Variants in THTPA observed in about 807,000 individuals in gnomAD.
The protein encoded by THTPA is thiamine-triphosphatase.
THTPA carries 16 observed loss-of-function variants against 16.5 expected under a neutral mutation model. That is an observed-to-expected ratio of 0.97 (90% CI 0.66 to 1.47). The LOEUF (loss-of-function observed/expected upper bound fraction) is 1.47, where lower values mean the gene tolerates loss of function less well. Ranked by LOEUF, THTPA falls within the 40% of genes most tolerant of loss-of-function variation. The pLI is 0.00. For missense variants in THTPA, 281 were observed against 280.9 expected (o/e 1.00, Z 0.00); for synonymous variants, 110 against 115.5 (o/e 0.95, Z 0.30).
At chr14:23,546,480 C>T in the THTPA span, among the ~76,000 whole-genome samples, 1 of 152,136 alleles carries the variant, frequency 6.6e-6, no homozygotes, top group Non-Finnish European at 1.5e-5. The surrounding 1 kb of genome is among the most constrained non-coding windows in gnomAD (Gnocchi z 4.7). Flanking sequence ...TCAGCCCTGT[C>T]ACCCCTTAAC....
Position 23,560,152 on chromosome 14 carries a change from A to G in THTPA, c.*1312A>G, listed in dbSNP as rs1416062704. Reference sequence around the variant, plus strand: ...TAACTCCCCAAGTGCTGATCTCCAGATGACTCAATCCCATCTCACACTGTC... The same window carrying G: ...TAACTCCCCAAGTGCTGATCTCCAGGTGACTCAATCCCATCTCACACTGTC... On this transcript the variant is annotated 3_prime_UTR_variant, in exon 2 of 2. Coordinates refer to ENST00000288014, the MANE Select transcript of THTPA (RefSeq NM_024328.6). 8 of 1,494,540 alleles carry G rather than the reference A, an allele frequency of 5.4e-6. No homozygotes were observed. The East Asian group carries it at 9.1e-5, about 17-fold the overall frequency. The allele number at this position is 1,494,540 out of a possible 1,614,324, so 92.6% of individuals were successfully genotyped here. A position where few individuals can be genotyped will look rare whatever the true frequency, so the allele number is the denominator to read the frequency against.
chr14:23,531,938 G>C, the THTPA span: 1 of 485,382 alleles, frequency 2.1e-6, no homozygotes. Flanking sequence ...ACCACACCTG[G>C]CTAATTTTTG....
the THTPA span, chr14:23,521,975 A>G: frequency 6.5e-7 from 1 of 1,536,286 alleles, no homozygotes; most frequent in Non-Finnish European, 8.7e-7. Context: ...TAAAGCTAGA[A>G]GTGTAGAGGT....
chr14:23,549,471 T>C, the THTPA span, among the ~76,000 whole-genome samples: 1 of 152,284 alleles, frequency 6.6e-6, no homozygotes, highest in East Asian at 1.9e-4. Flanking sequence ...CCACCCTTAC[T>C]GTTCTTCAGG....
At chr14:23,556,019 T>G (rs1354081339), upstream of THTPA, 3 of 152,280 alleles carry the variant, frequency 2.0e-5, no homozygotes, top group African/African-American at 7.2e-5. Context: ...GGTGCCTGGC[T>G]CAGCCTCAGG....
At chr14:23,526,825 G>C in the THTPA span, 2 of 1,524,284 alleles carry the variant, frequency 1.3e-6, no homozygotes, top group Non-Finnish European at 1.8e-6. Flanking sequence ...TACCTTGGGA[G>C]GTTTGCTGTT....
chr14:23,520,991 G>A, the THTPA span: 1 of 151,200 alleles, frequency 6.6e-6, no homozygotes, highest in Non-Finnish European at 1.5e-5. The surrounding 1 kb of genome is among the most constrained non-coding windows in gnomAD (Gnocchi z 8.7). Flanking sequence ...TGCTTTTTTG[G>A]TTGTGTTTCA....
At chr14:23,519,722 CTG>C in the THTPA span, among the ~76,000 whole-genome samples, 16 of 152,194 alleles carry the variant, frequency 1.1e-4, no homozygotes, top group African/African-American at 3.9e-4. Context: ...GGGCTACTGA[CTG>C]AGCTGAATTT....
chr14:23,532,390 C>G, the THTPA span: 1 of 734,876 alleles, frequency 1.4e-6, no homozygotes. Context: ...ATCCTTTGGT[C>G]TCTTTCTCCA....
the THTPA span, chr14:23,525,279 G>A: frequency 6.5e-7 from 1 of 1,536,046 alleles, no homozygotes; most frequent in Non-Finnish European, 8.7e-7. This position sits in a 1 kb window ranked among gnomAD's most constrained non-coding sequence, Gnocchi z 5.9. Flanking sequence ...TCAGGCTCTG[G>A]GACCAGGAAG....
In THTPA at chr14:23,559,997, C is replaced by A; in HGVS notation, c.*1157C>A. On this transcript the variant is annotated 3_prime_UTR_variant, in exon 2 of 2. Coordinates refer to ENST00000288014, the MANE Select transcript of THTPA (RefSeq NM_024328.6). ...ATAGGAAGGCCACCCCGAGCTGGAA[C>A]TGTGTTCCCACTGGGGGCCTGCAGC... 2.5e-6 allele frequency: 4 copies of A among 1,612,806 alleles called. No homozygotes were observed. The highest frequency in any genetic ancestry group is 3.4e-6 in the Non-Finnish European group (4 of 1,179,396).
chr14:23,559,421 T>G lies in THTPA; in HGVS notation c.*581T>G. 2.9e-6 allele frequency: 1 copy of G among 343,024 alleles called. No homozygotes were observed. Among genetic ancestry groups the G allele is most frequent in the Non-Finnish European group, 5.6e-6 (1 of 179,006 alleles). 21.2% of individuals were successfully genotyped at this position (343,024 alleles called of 1,614,324 possible). On this transcript the variant is annotated 3_prime_UTR_variant, in exon 2 of 2. Coordinates refer to ENST00000288014, the MANE Select transcript of THTPA (RefSeq NM_024328.6). ...AATTTGTTCCCTGACCTGGAGAGGG[T>G]TAGAAAGAACCAACAGCTGCCCCCT...
At chr14:23,557,367 G>C (rs1345584429) in intron 1 of THTPA, 63 bp downstream of exon 1, 1 of 1,460,400 alleles carries the variant, frequency 6.8e-7, no homozygotes, top group African/African-American at 1.4e-5. Flanking sequence ...GGAGGCACCT[G>C]CTGGACCATG....
At chr14:23,532,618 C>T in the THTPA span, 4 of 1,459,358 alleles carry the variant, frequency 2.7e-6, no homozygotes, top group Non-Finnish European at 9.0e-7. Context: ...CATGCAGCTG[C>T]ATCTTCTCCT....
At chr14:23,526,833 G>C in the THTPA span, 14 of 1,525,722 alleles carry the variant, frequency 9.2e-6, no homozygotes, top group African/African-American at 8.3e-5. Flanking sequence ...GAGGTTTGCT[G>C]TTCCATTCCT....
At chr14:23,526,297 G>A in the THTPA span, 3 of 1,536,326 alleles carry the variant, frequency 2.0e-6, no homozygotes, top group South Asian at 3.6e-5. Context: ...TCTTGTGAAG[G>A]TGGGAGACAG....
the THTPA span, chr14:23,534,431 G>A: frequency 3.6e-5 from 56 of 1,536,572 alleles, no homozygotes; most frequent in Non-Finnish European, 4.5e-5. This position sits in a 1 kb window ranked among gnomAD's most constrained non-coding sequence, Gnocchi z 4.5. Flanking sequence ...GAAGAGGGGC[G>A]AGCAGGGAGT....
chr14:23,533,467 G>A, the THTPA span: 7 of 1,535,176 alleles, frequency 4.6e-6, no homozygotes, highest in South Asian at 5.9e-5. The surrounding 1 kb of genome is among the most constrained non-coding windows in gnomAD (Gnocchi z 4.8). Context: ...AGCCCCTGGT[G>A]GGGGAGGAGG....
chr14:23,538,901 C>A, the THTPA span, among the ~76,000 whole-genome samples: 1 of 151,980 alleles, frequency 6.6e-6, no homozygotes, highest in African/African-American at 2.4e-5. Flanking sequence ...GCGCCACAGA[C>A]GGCAGAAAGA....
Sources: gnomAD v4.1 joint callset for allele counts (sites outside exome capture counted in the v4.1 genomes callset) on GRCh38, gnomAD v4.1.1 for gene constraint, Gnocchi (gnomAD v3.1) non-coding constraint, MANE v1.5 for transcripts, NCBI Gene and HGNC (gene_info 2026-07-23, HGNC 2026-07-21) for gene names.